Variants in FGF14 observed in about 807,000 individuals in gnomAD.
FGF14 encodes fibroblast growth factor 14.
In FGF14, 5 loss-of-function variants were observed where a neutral mutation model predicts 25.5. The observed-to-expected ratio is 0.20, with a 90% confidence interval of 0.10 to 0.41. The LOEUF is 0.41. FGF14 is among the 10% of genes least tolerant of loss of function. The probability of loss-of-function intolerance (pLI) is 1.00; values close to 1 mark genes in which losing one functional copy is unlikely to be tolerated. For synonymous variants in FGF14, 138 were observed against 118.3 expected (o/e 1.17, Z -1.08); for missense variants, 222 against 320.1 (o/e 0.69, Z 2.34).
chr13:101,831,379 A>G (rs1205891683), intron 3 of FGF14, among the ~76,000 whole-genome samples: 1 of 151,716 alleles, frequency 6.6e-6, no homozygotes, highest in Non-Finnish European at 1.5e-5. Flanking sequence ...ACCATACCCA[A>G]CCTGTTAGTT....
rs561685215 is a variant in FGF14, at chr13:101,793,847, A to G, written c.409-67037T>C. ...GGCTGTTGTGTGATTTATTCCCTTC[A>G]CATTTTATTTTGAAAATAATCAATT... On this transcript the variant is annotated intron_variant, in intron 3 of 4. Transcript: ENST00000376143. Among the ~76,000 whole-genome samples the G allele has an allele frequency of 3.3e-5, 5 of 152,148 alleles. No individual in the cohort carries two copies. The South Asian group carries it at 1.0e-3, about 32-fold the overall frequency.
upstream of FGF14, among the ~76,000 whole-genome samples, chr13:101,921,503 A>G (rs992216971): frequency 2.0e-5 from 3 of 152,144 alleles, no homozygotes; most frequent in African/African-American, 7.2e-5. Context: ...TCTTTCTCTA[A>G]TACCCCGTAT....
chr13:101,979,961 G>A (rs11069472), intron 1 of FGF14, among the ~76,000 whole-genome samples: 84 of 152,264 alleles, frequency 5.5e-4, no homozygotes, highest in African/African-American at 2.0e-3. Context: ...ACACTAAATC[G>A]TTTGCTGCAA....
chr13:102,354,507 A>G (rs1179834182), intron 1 of FGF14, among the ~76,000 whole-genome samples: 1 of 152,138 alleles, frequency 6.6e-6, no homozygotes, highest in African/African-American at 2.4e-5. Context: ...GACCAAACCA[A>G]TCTACATCTT....
chr13:102,155,612 C>A (rs927041082), intron 1 of FGF14, among the ~76,000 whole-genome samples: 11 of 152,100 alleles, frequency 7.2e-5, no homozygotes, highest in African/African-American at 2.4e-4. Flanking sequence ...ACTAGAAAAG[C>A]AAGAGCAAAC....
intron 3 of FGF14, among the ~76,000 whole-genome samples, chr13:101,861,656 C>G (rs1245880577): frequency 6.6e-6 from 1 of 151,986 alleles, no homozygotes; most frequent in East Asian, 1.9e-4. Flanking sequence ...CATGTGGCCA[C>G]AGTAGTGGAG....
chr13:102,330,445 T>G (rs949987279), intron 1 of FGF14, among the ~76,000 whole-genome samples: 3 of 152,164 alleles, frequency 2.0e-5, no homozygotes, highest in African/African-American at 7.2e-5. Context: ...TCATCTATTT[T>G]TCTTTTACCA....
chr13:101,808,934 G>A (rs7337815), intron 3 of FGF14, among the ~76,000 whole-genome samples: 4,823 of 152,096 alleles, frequency 0.032, 112 homozygotes, highest in South Asian at 0.049. Context: ...ATAAGTCCTC[G>A]TGTGCAGCTC....
At chr13:102,393,715 C>T (rs2058491591) in intron 1 of FGF14, 1 of 152,194 alleles carries the variant, frequency 6.6e-6, no homozygotes, top group African/African-American at 2.4e-5. Context: ...CTAGTGTCAC[C>T]AGTAAAATAC....
chr13:102,236,622 T>C (rs1279228057), intron 1 of FGF14, among the ~76,000 whole-genome samples: 2 of 152,074 alleles, frequency 1.3e-5, no homozygotes, highest in Non-Finnish European at 2.9e-5. Flanking sequence ...AGTGCCTGGT[T>C]TCCCTCCCCC....
chr13:102,282,576 C>T (rs1172298234), intron 1 of FGF14, among the ~76,000 whole-genome samples: 1 of 152,216 alleles, frequency 6.6e-6, no homozygotes, highest in Non-Finnish European at 1.5e-5. Flanking sequence ...CCCACACCTA[C>T]CTTCAACATT....
At chr13:102,107,199 T>C (rs2044966491) in intron 1 of FGF14, among the ~76,000 whole-genome samples, 1 of 152,060 alleles carries the variant, frequency 6.6e-6, no homozygotes, top group African/African-American at 2.4e-5. Context: ...TTAAACAGAG[T>C]TCAGTATAGA....
chr13:101,856,732 T>C (rs1388015455), intron 3 of FGF14, among the ~76,000 whole-genome samples: 1 of 152,014 alleles, frequency 6.6e-6, no homozygotes, highest in Non-Finnish European at 1.5e-5. Context: ...ACAATAACTA[T>C]ACAACTCTCA....
chr13:102,055,072 A>G (rs1262353459), intron 1 of FGF14, among the ~76,000 whole-genome samples: 1 of 152,166 alleles, frequency 6.6e-6, no homozygotes, highest in Admixed American at 6.5e-5. Context: ...AAATCTCACC[A>G]TACCCACTTA....
chr13:102,261,659 T>TA (rs2052723808), intron 1 of FGF14, among the ~76,000 whole-genome samples: 1 of 152,178 alleles, frequency 6.6e-6, no homozygotes. Flanking sequence ...ATATCTTCTA[T>TA]AAAAATACAT....
At chr13:101,827,943 A>T (rs1405467330) in intron 3 of FGF14, among the ~76,000 whole-genome samples, 1 of 129,806 alleles carries the variant, frequency 7.7e-6, no homozygotes, top group Non-Finnish European at 1.7e-5. Context: ...AAAAAAAGAA[A>T]GAAAAAAGTG....
At chr13:101,818,557 G>C (rs2041953766) in intron 3 of FGF14, among the ~76,000 whole-genome samples, 1 of 152,160 alleles carries the variant, frequency 6.6e-6, no homozygotes, top group Non-Finnish European at 1.5e-5. Context: ...ACATAAATTA[G>C]AAATTCTTGT....
At chr13:102,259,609 C>A (rs150303915) in intron 1 of FGF14, among the ~76,000 whole-genome samples, 405 of 152,270 alleles carry the variant, frequency 2.7e-3, no homozygotes, top group African/African-American at 7.1e-3. Flanking sequence ...AGCCCTCCCC[C>A]CCATCCACTC....
At chr13:102,394,803 CG>C (rs2139257011) in intron 1 of FGF14, 1 of 152,506 alleles carries the variant, frequency 6.6e-6, no homozygotes, top group Non-Finnish European at 1.5e-5. Flanking sequence ...AGTCCACACT[CG>C]GAACCCAGCT....
Sources: allele counts gnomAD v4.1 joint callset (sites outside exome capture counted in the v4.1 genomes callset), GRCh38; gene constraint gnomAD v4.1.1; transcripts MANE v1.5; gene names NCBI Gene and HGNC (gene_info 2026-07-23, HGNC 2026-07-21).